The following KCNIP4 variants were observed in gnomAD, a reference collection of about 807,000 sequenced individuals.
The protein encoded by KCNIP4 is Kv channel-interacting protein 4.
Under a neutral mutation model 34.0 loss-of-function variants are expected in KCNIP4, and 12 were observed. The ratio of observed to expected loss-of-function variants is 0.35; its 90% CI spans 0.23 to 0.57. The LOEUF (loss-of-function observed/expected upper bound fraction) is 0.57, where lower values mean the gene tolerates loss of function less well. KCNIP4 is among the 20% of genes least tolerant of loss of function. The pLI is 0.83. For synonymous variants in KCNIP4, 124 were observed against 102.2 expected (o/e 1.21, Z -1.29); for missense variants, 238 against 311.7 (o/e 0.76, Z 1.78).
chr4:21,320,865 G>A (rs1412693334), intron 1 of KCNIP4, among the ~76,000 whole-genome samples: 1 of 151,044 alleles, frequency 6.6e-6, no homozygotes, highest in Admixed American at 6.6e-5. Context: ...CAGCTACTCT[G>A]AAGGCTGAGG....
At chr4:20,791,721 A>G (rs1712779103) in intron 3 of KCNIP4, among the ~76,000 whole-genome samples, 1 of 152,246 alleles carries the variant, frequency 6.6e-6, no homozygotes, top group African/African-American at 2.4e-5. Flanking sequence ...TGGCTGGGAC[A>G]TAATATCTAG....
intron 1 of KCNIP4, among the ~76,000 whole-genome samples, chr4:21,240,578 A>T (rs1231232062): frequency 6.6e-6 from 1 of 152,048 alleles, no homozygotes; most frequent in East Asian, 1.9e-4. Flanking sequence ...TAGTCTGTTG[A>T]TGTTGCTTTC....
At chr4:20,988,943 TAAGA>T (rs1736836260) in intron 1 of KCNIP4, among the ~76,000 whole-genome samples, 1 of 152,236 alleles carries the variant, frequency 6.6e-6, no homozygotes, top group African/African-American at 2.4e-5. Flanking sequence ...GGGATTTGTG[TAAGA>T]AACCTTACAA....
chr4:21,252,444 G>C (rs1023125186), intron 1 of KCNIP4, among the ~76,000 whole-genome samples: 54 of 152,136 alleles, frequency 3.5e-4, no homozygotes, highest in African/African-American at 1.2e-3. Context: ...TATGTTTTAA[G>C]TAGACTACCT....
intron 1 of KCNIP4, among the ~76,000 whole-genome samples, chr4:21,030,594 T>C (rs1402680985): frequency 6.6e-6 from 1 of 152,170 alleles, no homozygotes; most frequent in African/African-American, 2.4e-5. Flanking sequence ...TGTTTCTTAC[T>C]TTTAATCAAA....
intron 1 of KCNIP4, among the ~76,000 whole-genome samples, chr4:21,400,478 C>T (rs1723394683): frequency 6.8e-6 from 1 of 146,968 alleles, no homozygotes; most frequent in South Asian, 2.2e-4. Context: ...CTCTCCTCTC[C>T]TCTCCTCTCC....
intron 1 of KCNIP4, among the ~76,000 whole-genome samples, chr4:21,200,936 C>G (rs1464997952): frequency 1.3e-5 from 2 of 152,114 alleles, no homozygotes; most frequent in African/African-American, 4.8e-5. Flanking sequence ...AGAGATGCCA[C>G]TTCCTCCACA....
At chr4:21,714,390 G>A (rs1251213691) in intron 1 of KCNIP4, among the ~76,000 whole-genome samples, 2 of 151,764 alleles carry the variant, frequency 1.3e-5, no homozygotes, top group East Asian at 1.9e-4. Context: ...CTACAGCATC[G>A]GCTACCTAGG....
intron 1 of KCNIP4, among the ~76,000 whole-genome samples, chr4:20,894,715 C>T (rs969384496): frequency 2.6e-5 from 4 of 152,100 alleles, no homozygotes; most frequent in Non-Finnish European, 1.5e-5. Flanking sequence ...TTGGCACTGG[C>T]AAAAACATAG....
chr4:21,152,765 T>G (rs1272397408), intron 1 of KCNIP4, among the ~76,000 whole-genome samples: 1 of 152,152 alleles, frequency 6.6e-6, no homozygotes, highest in Non-Finnish European at 1.5e-5. Context: ...GAGCTCCGCC[T>G]CTTGTCAGAT....
intron 1 of KCNIP4, among the ~76,000 whole-genome samples, chr4:21,431,813 C>T (rs1282823234): frequency 6.6e-6 from 1 of 151,210 alleles, no homozygotes; most frequent in Non-Finnish European, 1.5e-5. Flanking sequence ...GTCCACGAAC[C>T]CCATTTCTAA....
At chr4:21,020,819 A>G (rs975974720) in intron 1 of KCNIP4, among the ~76,000 whole-genome samples, 1 of 152,202 alleles carries the variant, frequency 6.6e-6, no homozygotes, top group Non-Finnish European at 1.5e-5. Flanking sequence ...AATAACTTGT[A>G]TGGTTAAGTA....
chr4:21,370,405 C>G (rs1029821766), intron 1 of KCNIP4, among the ~76,000 whole-genome samples: 2 of 146,570 alleles, frequency 1.4e-5, no homozygotes, highest in Non-Finnish European at 2.9e-5. Context: ...GACTAAAATT[C>G]CTGCCAACGT....
chr4:21,253,169 A>G (rs1760838699), intron 1 of KCNIP4, among the ~76,000 whole-genome samples: 1 of 152,064 alleles, frequency 6.6e-6, no homozygotes, highest in African/African-American at 2.4e-5. Context: ...TTTCTACGGC[A>G]ATTTCTTTTC....
intron 1 of KCNIP4, among the ~76,000 whole-genome samples, chr4:21,441,520 A>T (rs1308359203): frequency 6.6e-6 from 1 of 152,160 alleles, no homozygotes; most frequent in East Asian, 1.9e-4. Flanking sequence ...ACACTGCAAT[A>T]TAATTGATTA....
chr4:20,892,148 C>T (rs958261200), intron 1 of KCNIP4, among the ~76,000 whole-genome samples: 6 of 152,092 alleles, frequency 3.9e-5, no homozygotes, highest in Admixed American at 2.6e-4. Flanking sequence ...ACTTTTTGAA[C>T]TTGGGAGGCA....
intron 1 of KCNIP4, among the ~76,000 whole-genome samples, chr4:21,433,872 T>C (rs1726720072): frequency 6.6e-6 from 1 of 152,244 alleles, no homozygotes; most frequent in South Asian, 2.1e-4. Flanking sequence ...AACTGATTTA[T>C]AAATAATACA....
At chr4:21,005,799 A>C (rs1738501468) in intron 1 of KCNIP4, among the ~76,000 whole-genome samples, 1 of 152,204 alleles carries the variant, frequency 6.6e-6, no homozygotes, top group Admixed American at 6.5e-5. Flanking sequence ...ACAGGCCCTC[A>C]GTTAGGTGTC....
At chr4:21,798,856 G>T (rs1285209302) in intron 1 of KCNIP4, among the ~76,000 whole-genome samples, 1 of 152,014 alleles carries the variant, frequency 6.6e-6, no homozygotes, top group Non-Finnish European at 1.5e-5. Flanking sequence ...CTTTCTGTGG[G>T]TTAAAAACTA....
Sources: gnomAD v4.1 joint callset for allele counts (sites outside exome capture counted in the v4.1 genomes callset) on GRCh38, gnomAD v4.1.1 for gene constraint, MANE v1.5 for transcripts, NCBI Gene and HGNC (gene_info 2026-07-23, HGNC 2026-07-21) for gene names.